Variants in SEC14L1 observed in about 807,000 individuals in gnomAD.
The protein encoded by SEC14L1 is SEC14-like protein 1.
A neutral mutation model predicts 85.3 loss-of-function variants in SEC14L1; 48 were observed. That is an observed-to-expected ratio of 0.56 (90% CI 0.45 to 0.72). The LOEUF (loss-of-function observed/expected upper bound fraction) is 0.72, where lower values mean the gene tolerates loss of function less well. SEC14L1 is among the 30% of genes least tolerant of loss of function. The pLI is 0.00. For missense variants in SEC14L1, 682 were observed against 921.4 expected (o/e 0.74, Z 3.36); for synonymous variants, 391 against 355.5 (o/e 1.10, Z -1.12).
In SEC14L1 at chr17:77,214,530, C is replaced by CCA. The variant is rs1198417743; in HGVS notation, c.*508_*509dup. The CCA allele has an allele frequency of 3.8e-5, 38 of 995,452 alleles. No individual in the cohort carries two copies. The highest frequency in any genetic ancestry group is 4.5e-5 in the Non-Finnish European group (38 of 835,532). The allele number at this position is 995,452 out of a possible 1,614,324, so 61.7% of individuals were successfully genotyped here. A position where few individuals can be genotyped will look rare whatever the true frequency, so the allele number is the denominator to read the frequency against. On this transcript the variant is annotated 3_prime_UTR_variant, in exon 17 of 17. Transcript: ENST00000436233. ...GTCAAGATGGTCTGTGGACTTAGGGCCAGCCCTTGAGGTCCTTATCCTCTG... is the reference window on the plus strand; with the variant it reads ...GTCAAGATGGTCTGTGGACTTAGGGCCACAGCCCTTGAGGTCCTTATCCTCTG...
chr17:77,096,528 G>A lies in SEC14L1; in HGVS notation c.-136+3181G>A, dbSNP rs542653029. On this transcript the variant is annotated intron_variant, in intron 3 of 19. Coordinates refer to the SEC14L1 transcript ENST00000392476. ...GCCGAGATAGCGCCACTACACTCCA[G>A]CCTGGGTGACAGTGAGACTCCATCT... is the stretch of plus-strand genomic sequence containing the variant. Among the ~76,000 whole-genome samples the A allele has an allele frequency of 6.7e-5, 10 of 149,616 alleles. No homozygotes were observed. In the South Asian group the frequency reaches 2.2e-3, roughly 32 times the overall value.
At chr17:77,114,577 G>A (rs62078280) in intron 3 of SEC14L1, among the ~76,000 whole-genome samples, 26,982 of 151,240 alleles carry the variant, frequency 0.18, 2,695 homozygotes, top group Middle Eastern at 0.26. Context: ...GCTCACTCCT[G>A]TAATCCCAGC....
At chr17:77,091,612 CAT>C (rs904674426) in intron 2 of SEC14L1, among the ~76,000 whole-genome samples, 1 of 152,150 alleles carries the variant, frequency 6.6e-6, no homozygotes, top group African/African-American at 2.4e-5. Flanking sequence ...TAAATAGTCA[CAT>C]GTGGCTAGTG....
intron 3 of SEC14L1, among the ~76,000 whole-genome samples, 161 bp from the exon 4 acceptor site, chr17:77,190,642 T>C (rs752149782): frequency 6.6e-6 from 1 of 151,956 alleles, no homozygotes; most frequent in African/African-American, 2.4e-5. Flanking sequence ...GGACATGGAG[T>C]GTCTTTTTCT....
chr17:77,190,984 A>G, intron 4 of SEC14L1, 32 bp downstream of exon 4: 2 of 1,608,744 alleles, frequency 1.2e-6, no homozygotes, highest in African/African-American at 1.3e-5. Context: ...TTGGAGGGAA[A>G]GGGCGTCCTG....
chr17:77,174,437 T>C (rs959952404), intron 3 of SEC14L1, among the ~76,000 whole-genome samples: 5 of 152,302 alleles, frequency 3.3e-5, no homozygotes, highest in African/African-American at 1.2e-4. Flanking sequence ...CCACACTCAA[T>C]TGTGCGTCTC....
upstream of SEC14L1, among the ~76,000 whole-genome samples, chr17:77,140,566 C>A (rs1478368652): frequency 2.0e-5 from 3 of 152,302 alleles, no homozygotes; most frequent in African/African-American, 7.2e-5. Context: ...TTTTGACCTC[C>A]CGCAAACTTC....
intron 13 of SEC14L1, among the ~76,000 whole-genome samples, chr17:77,208,310 C>CA (rs753000843): frequency 6.6e-6 from 1 of 152,156 alleles, no homozygotes; most frequent in Non-Finnish European, 1.5e-5. Context: ...GAGGTTAAAC[C>CA]GCAGGCTCAG....
At chr17:77,123,481 G>A (rs917276805) in intron 3 of SEC14L1, among the ~76,000 whole-genome samples, 2 of 148,744 alleles carry the variant, frequency 1.3e-5, no homozygotes, top group South Asian at 2.1e-4. Flanking sequence ...GCGAGATCTT[G>A]GCTCGCTGCA....
intron 3 of SEC14L1, among the ~76,000 whole-genome samples, chr17:77,144,156 A>C (rs1379828718): frequency 2.0e-5 from 3 of 152,356 alleles, no homozygotes; most frequent in South Asian, 2.1e-4. Context: ...GCTGAAAATA[A>C]GCATTTTACT....
chr17:77,168,185 G>A (rs889646747), intron 3 of SEC14L1, among the ~76,000 whole-genome samples: 1 of 152,166 alleles, frequency 6.6e-6, no homozygotes, highest in African/African-American at 2.4e-5. Flanking sequence ...TAGAAACAAG[G>A]GAGTATAAGG....
chr17:77,215,447 G>C lies in SEC14L1; in HGVS notation c.*1424G>C. ...TAGGCATGGAGATCCTGGTTGTGCC[G>C]TCTCAGCTCCGCTCTGAAGGCACTG... On this transcript the variant is annotated 3_prime_UTR_variant, in exon 17 of 17. Coordinates refer to ENST00000436233, the MANE Select transcript of SEC14L1 (RefSeq NM_001143998.2). 1.0e-6 allele frequency: 1 copy of C among 985,528 alleles called. No individual in the cohort carries two copies. 61.0% of individuals were successfully genotyped at this position (985,528 alleles called of 1,614,324 possible).
chr17:77,152,426 C>A (rs1188254306), intron 3 of SEC14L1: 3 of 151,230 alleles, frequency 2.0e-5, no homozygotes, highest in African/African-American at 7.3e-5. Context: ...ATCCCAGCTA[C>A]TTAGGAGGCT....
chr17:77,100,398 T>TC (rs1040039251), intron 3 of SEC14L1, among the ~76,000 whole-genome samples: 8 of 147,278 alleles, frequency 5.4e-5, no homozygotes, highest in African/African-American at 2.0e-4. Context: ...TTTTTCTTTT[T>TC]TTTTTTTTCT....
At chr17:77,148,827 C>T (rs576452240) in intron 3 of SEC14L1, among the ~76,000 whole-genome samples, 15 of 152,328 alleles carry the variant, frequency 9.8e-5, no homozygotes, top group East Asian at 7.7e-4. Flanking sequence ...TCCTGTTATC[C>T]GTCCTCGCAC....
At chr17:77,096,469 A>C (rs1971648095) in intron 3 of SEC14L1, among the ~76,000 whole-genome samples, 1 of 151,756 alleles carries the variant, frequency 6.6e-6, no homozygotes, top group Non-Finnish European at 1.5e-5. Context: ...AGGCAGGAGA[A>C]CCGCATGAAC....
At chr17:77,130,746 G>T (rs1306772334) in intron 3 of SEC14L1, among the ~76,000 whole-genome samples, 1 of 152,128 alleles carries the variant, frequency 6.6e-6, no homozygotes, top group African/African-American at 2.4e-5. Flanking sequence ...AGCTGGGAAT[G>T]CAGGCACATG....
chr17:77,136,800 G>A (rs1053908996), upstream of SEC14L1, among the ~76,000 whole-genome samples: 9 of 152,144 alleles, frequency 5.9e-5, no homozygotes, highest in Non-Finnish European at 8.8e-5. Flanking sequence ...GAAGGGGCCC[G>A]TGTTAGGCCA....
At position 77,192,154 on chromosome 17, in the gene SEC14L1, T is replaced by C. The variant is rs1284640346; in HGVS notation, c.345+842T>C. The stretch of plus-strand genomic sequence containing the variant: ...GTCTTACTGTAATATGTTAGAAATA[T>C]CTAATGAAGGACTAAGATGTGTGCC... On this transcript the variant is annotated intron_variant, in intron 5 of 16. Transcript: ENST00000436233. Among the ~76,000 whole-genome samples, 6 of 152,360 alleles carry C rather than the reference T, an allele frequency of 3.9e-5. 1 individual carries two copies. The highest frequency in any genetic ancestry group is 2.0e-4 in the Admixed American group (3 of 15,302).
Sources: allele counts gnomAD v4.1 joint callset (sites outside exome capture counted in the v4.1 genomes callset), GRCh38; gene constraint gnomAD v4.1.1; transcripts MANE v1.5; gene names NCBI Gene and HGNC (gene_info 2026-07-23, HGNC 2026-07-21).